The following RAB24 variants were observed in gnomAD, a reference collection of about 807,000 sequenced individuals.
RAB24 encodes RAB24, member RAS oncogene family.
A neutral mutation model predicts 31.4 loss-of-function variants in RAB24; 9 were observed. That is an observed-to-expected ratio of 0.29 (90% CI 0.17 to 0.50). The LOEUF (loss-of-function observed/expected upper bound fraction) is 0.50. Among genes scored for constraint, RAB24 ranks in the 20% least tolerant of loss-of-function variants. The pLI is 0.98. For synonymous variants in RAB24, 106 were observed against 94.1 expected (o/e 1.13, Z -0.73); for missense variants, 197 against 265.2 (o/e 0.74, Z 1.79).
Position 177,303,630 on chromosome 5 carries a change from G to A in RAB24, c.-342C>T. On this transcript the variant is annotated 5_prime_UTR_variant, in exon 1 of 8. The change creates a new upstream start codon in the 5' untranslated region. Coordinates refer to ENST00000303251, the MANE Select transcript of RAB24 (RefSeq NM_001031677.4). The surrounding 1 kb of genome is among the most constrained non-coding windows in gnomAD (Gnocchi z 6.1). ...CGCTCGCCTGCCCGGCTTAAGCTCC[G>A]TTCTGGCTGGGAATCCCAACCGAAC... 2.4e-6 allele frequency: 1 copy of A among 425,240 alleles called. No homozygotes were observed. Among genetic ancestry groups the A allele is most frequent in the Non-Finnish European group, 4.2e-6 (1 of 237,682 alleles). The allele number at this position is 425,240 out of a possible 1,614,324, so 26.3% of individuals were successfully genotyped here.
rs536387141 is a variant in RAB24 at position 177,303,634 on chromosome 5, T to C, written c.-346A>G. ...CGCCTGCCCGGCTTAAGCTCCGTTCTGGCTGGGAATCCCAACCGAACCTGG... is the reference window on the plus strand; with the variant it reads ...CGCCTGCCCGGCTTAAGCTCCGTTCCGGCTGGGAATCCCAACCGAACCTGG... On this transcript the variant is annotated 5_prime_UTR_variant, in exon 1 of 8. Transcript: ENST00000303251. This position sits in a 1 kb window ranked among gnomAD's most constrained non-coding sequence, Gnocchi z 6.1. The C allele has an allele frequency of 1.3e-3, 531 of 416,456 alleles. 2 individuals are homozygous for C. Among genetic ancestry groups the C allele is most frequent in the Middle Eastern group, 0.013 (20 of 1,596 alleles). 25.8% of individuals were successfully genotyped at this position (416,456 alleles called of 1,614,324 possible).
chr5:177,301,401 A>C lies in RAB24; in HGVS notation c.*342T>G. 2 of 276,254 alleles carry C rather than the reference A, an allele frequency of 7.2e-6. No individual in the cohort carries two copies. The allele number at this position is 276,254 out of a possible 1,614,324, so 17.1% of individuals were successfully genotyped here. ...TGAGGCCAGCCGGGTGGCCCCAGGA[A>C]GAACTAGGTGTCTTGACACCTAATC... On this transcript the variant is annotated 3_prime_UTR_variant, in exon 8 of 8. Transcript: ENST00000303251.
In RAB24 at chr5:177,303,172, G is replaced by T. The variant is rs939617148; in HGVS notation, c.117C>A (p.Asn39Lys). Residue 39 changes from asparagine (N) to lysine (K), a missense_variant and splice_region_variant, in exon 1 of 8, where the codon AAC (asparagine) becomes AAA (lysine). Around this residue, in one of 2 missense-constraint regions of RAB24, gnomAD observed 49 missense variants for 105.5 expected, o/e 0.46. Coordinates refer to ENST00000303251, the MANE Select transcript of RAB24 (RefSeq NM_001031677.4). This position sits in a 1 kb window ranked among gnomAD's most constrained non-coding sequence, Gnocchi z 6.1. ...GCCTGGCCCCTCCGGATGCACTCACGTTCTGATAAGGCCCCACCAGAAAGC... is the reference window on the plus strand; with the variant it reads ...GCCTGGCCCCTCCGGATGCACTCACTTTCTGATAAGGCCCCACCAGAAAGC... Reference protein sequence around the residue: ...HDRFLVGPYQNTIGAAFVAKV... With the variant: ...HDRFLVGPYQKTIGAAFVAKV... 4.3e-6 allele frequency: 7 copies of T among 1,613,268 alleles called. No individual in the cohort carries two copies. The highest frequency in any genetic ancestry group is 1.7e-5 in the Admixed American group (1 of 59,988).
rs1241011717 is a variant in RAB24 at position 177,301,917 on chromosome 5, G to A, written c.547+8C>T. 2.5e-6 allele frequency: 4 copies of A among 1,614,012 alleles called. No homozygotes were observed. Among genetic ancestry groups the A allele is most frequent in the Non-Finnish European group, 1.7e-6 (2 of 1,179,874 alleles). On this transcript the variant is annotated splice_region_variant and intron_variant, in intron 7 of 7. Coordinates refer to ENST00000303251, the MANE Select transcript of RAB24 (RefSeq NM_001031677.4). ...GTAAGTCTCCATAAAGGCTGGGGAA[G>A]CACACACCTGTCATCACCTGGAAGG...
At chr5:177,301,853 A>T in intron 7 of RAB24, 46 bp from the exon 8 acceptor site, 1 of 1,613,246 alleles carries the variant, frequency 6.2e-7, no homozygotes, top group Non-Finnish European at 8.5e-7. Context: ...TGTTGGGATC[A>T]GGTAACTCAG....
At position 177,301,703 on chromosome 5, in the gene RAB24, G is replaced by C. The variant is rs1295114977; in HGVS notation, c.*40C>G. 1 of 1,608,354 alleles carries C rather than the reference G, an allele frequency of 6.2e-7. No homozygotes were observed. Among genetic ancestry groups the C allele is most frequent in the East Asian group, 2.2e-5 (1 of 44,850 alleles). On this transcript the variant is annotated 3_prime_UTR_variant, in exon 8 of 8. Coordinates refer to ENST00000303251, the MANE Select transcript of RAB24 (RefSeq NM_001031677.4). ...AAAGGAGCTGGGTCCAGCCCTTACG[G>C]GGAATTCCTTTAATTCCCCCAGGCC...
At position 177,303,330 on chromosome 5, in the gene RAB24, G is replaced by A; in HGVS notation, c.-42C>T. 1 of 1,593,592 alleles carries A rather than the reference G, an allele frequency of 6.3e-7. No individual in the cohort carries two copies. Among genetic ancestry groups the A allele is most frequent in the Admixed American group, 1.7e-5 (1 of 59,934 alleles). On this transcript the variant is annotated 5_prime_UTR_variant, in exon 1 of 8. Transcript: ENST00000303251. The surrounding 1 kb of genome is among the most constrained non-coding windows in gnomAD (Gnocchi z 6.1). ...CAGCCACGTCAGGGTCCTGAGCGGG[G>A]ACGGGAGGCAAACCCCGATCTCCGC...
chr5:177,303,141 C>G lies in RAB24; in HGVS notation c.117+31G>C. On this transcript the variant is annotated intron_variant, in intron 1 of 7. Coordinates refer to ENST00000303251, the MANE Select transcript of RAB24 (RefSeq NM_001031677.4). This position sits in a 1 kb window ranked among gnomAD's most constrained non-coding sequence, Gnocchi z 6.1. ...ATTACCGGCCCCCCACTCCCCCGCC[C>G]ACCGTGCCTGGCCCCTCCGGATGCA... 2 of 1,613,434 alleles carry G rather than the reference C, an allele frequency of 1.2e-6. No individual in the cohort carries two copies. The highest frequency in any genetic ancestry group is 1.1e-5 in the South Asian group (1 of 91,070).
intron 5 of RAB24, 77 bp downstream of exon 5, chr5:177,302,320 C>A (rs1760704308): frequency 1.9e-6 from 3 of 1,584,118 alleles, no homozygotes; most frequent in Non-Finnish European, 2.6e-6. Context: ...CCCTGGCAGC[C>A]AAGGCAGTCC....
chr5:177,302,319 C>T, intron 5 of RAB24, 78 bp downstream of exon 5: 1 of 1,579,650 alleles, frequency 6.3e-7, no homozygotes, highest in Non-Finnish European at 8.7e-7. Flanking sequence ...GCCCTGGCAG[C>T]CAAGGCAGTC....
At chr5:177,302,336 T>C in intron 5 of RAB24, 61 bp downstream of exon 5, 1 of 1,593,914 alleles carries the variant, frequency 6.3e-7, no homozygotes. Flanking sequence ...AGTCCCTATT[T>C]TCTTTGATCC....
rs902680905 is a variant in RAB24 at position 177,301,916 on chromosome 5, AG to A, written c.547+8del. On this transcript the variant is annotated splice_region_variant and intron_variant, in intron 7 of 7. Coordinates refer to ENST00000303251, the MANE Select transcript of RAB24 (RefSeq NM_001031677.4). ...AGTAAGTCTCCATAAAGGCTGGGGAAGCACACACCTGTCATCACCTGGAAGG... is the reference window on the plus strand; with the variant it reads ...AGTAAGTCTCCATAAAGGCTGGGGAACACACACCTGTCATCACCTGGAAGG... The A allele has an allele frequency of 1.2e-6, 2 of 1,613,930 alleles. No individual in the cohort carries two copies. Among genetic ancestry groups the A allele is most frequent in the African/African-American group, 2.7e-5 (2 of 74,924 alleles).
intron 7 of RAB24, 34 bp downstream of exon 7, chr5:177,301,891 A>C: frequency 6.2e-7 from 1 of 1,613,238 alleles, no homozygotes; most frequent in Non-Finnish European, 8.5e-7. Flanking sequence ...GTGGGCCTAG[A>C]GTAAGTCTCC....
chr5:177,302,731 C>T (rs1479923129), intron 3 of RAB24, 21 bp downstream of exon 3: 2 of 1,557,312 alleles, frequency 1.3e-6, no homozygotes, highest in South Asian at 2.2e-5. Context: ...GTGAGACAGC[C>T]CAAACCCCCC....
chr5:177,302,427 C>T lies in RAB24; in HGVS notation c.403G>A (p.Asp135Asn), dbSNP rs1760710191. The T allele has an allele frequency of 6.2e-7, 1 of 1,613,510 alleles. No homozygotes were observed. Among genetic ancestry groups the T allele is most frequent in the Non-Finnish European group, 8.5e-7 (1 of 1,180,040 alleles). The change falls in exon 5 of 8, where the codon GAC becomes AAC. Residue 135 changes from aspartate to asparagine, a missense_variant. By Grantham distance (23) the Asp-to-Asn change is conservative. Around this residue, in one of 2 missense-constraint regions of RAB24, gnomAD observed 148 missense variants for 159.7 expected, o/e 0.93. Transcript: ENST00000303251. ...GCATAGTCCTGGACGTCGTGGAAGT[C>T]CACACGTCGACGCCTCCGGTCTTCT... ...LEEDRRRRRVDFHDVQDYADN... is the reference protein window; with the variant it reads ...LEEDRRRRRVNFHDVQDYADN...
rs201215852 is a variant in RAB24 at position 177,303,161 on chromosome 5, G to T, written c.117+11C>A. 4 of 1,613,526 alleles carry T rather than the reference G, an allele frequency of 2.5e-6. No individual in the cohort carries two copies. In the East Asian group the frequency reaches 6.7e-5, roughly 27 times the overall value. ...CCGCCCACCGTGCCTGGCCCCTCCGGATGCACTCACGTTCTGATAAGGCCC... is the reference window on the plus strand; with the variant it reads ...CCGCCCACCGTGCCTGGCCCCTCCGTATGCACTCACGTTCTGATAAGGCCC... On this transcript the variant is annotated intron_variant, in intron 1 of 7. Transcript: ENST00000303251. This position sits in a 1 kb window ranked among gnomAD's most constrained non-coding sequence, Gnocchi z 6.1.
chr5:177,301,586 G>T lies in RAB24; in HGVS notation c.*157C>A. ...TCCTCATGCCCACAGTCAGCCCAAT[G>T]CTGTCTCCGTTCCATGGGCCAGCAC... On this transcript the variant is annotated 3_prime_UTR_variant, in exon 8 of 8. Coordinates refer to ENST00000303251, the MANE Select transcript of RAB24 (RefSeq NM_001031677.4). The T allele has an allele frequency of 1.3e-6, 1 of 796,040 alleles. No homozygotes were observed. Among genetic ancestry groups the T allele is most frequent in the Non-Finnish European group, 2.0e-6 (1 of 492,612 alleles). The allele number at this position is 796,040 out of a possible 1,614,324, so 49.3% of individuals were successfully genotyped here.
In RAB24 at chr5:177,303,420, C is replaced by G. The variant is rs1760755260; in HGVS notation, c.-132G>C. On this transcript the variant is annotated 5_prime_UTR_variant, in exon 1 of 8. Coordinates refer to ENST00000303251, the MANE Select transcript of RAB24 (RefSeq NM_001031677.4). This position sits in a 1 kb window ranked among gnomAD's most constrained non-coding sequence, Gnocchi z 6.1. ...AACGGCGCCAACCTACGACTCCAGA[C>G]AGCGCGTCGGGCTCGAGCTCTGGCC... is the stretch of plus-strand genomic sequence containing the variant. 5 of 792,460 alleles carry G rather than the reference C, an allele frequency of 6.3e-6. No homozygotes were observed. The highest frequency in any genetic ancestry group is 1.0e-5 in the Non-Finnish European group (5 of 488,308). The allele number at this position is 792,460 out of a possible 1,614,324, so 49.1% of individuals were successfully genotyped here. A position where few individuals can be genotyped will look rare whatever the true frequency, so the allele number is the denominator to read the frequency against.
chr5:177,301,994 G>A lies in RAB24; in HGVS notation c.485-7C>T, dbSNP rs1256958946. On this transcript the variant is annotated splice_polypyrimidine_tract_variant and splice_region_variant and intron_variant, in intron 6 of 7. Coordinates refer to ENST00000303251, the MANE Select transcript of RAB24 (RefSeq NM_001031677.4). ...ACTTTCTGGAAGAGCTCGTCTGGCA[G>A]GAAAAATGATGATCAGCGAGGGCCC... 12 of 1,614,054 alleles carry A rather than the reference G, an allele frequency of 7.4e-6. No individual in the cohort carries two copies. Among genetic ancestry groups the A allele is most frequent in the Non-Finnish European group, 9.3e-6 (11 of 1,180,010 alleles).
Sources: allele counts gnomAD v4.1 joint callset, GRCh38; gene constraint gnomAD v4.1.1; regional missense constraint gnomAD v4.1.1; non-coding constraint Gnocchi (gnomAD v3.1); transcripts MANE v1.5; gene names NCBI Gene and HGNC (gene_info 2026-07-23, HGNC 2026-07-21).